Variants in GPC6 observed in about 807,000 individuals in gnomAD.
GPC6 encodes glypican-6.
A neutral mutation model predicts 55.2 loss-of-function variants in GPC6; 14 were observed. The observed-to-expected ratio is 0.25, with a 90% CI of 0.17 to 0.40. The LOEUF (loss-of-function observed/expected upper bound fraction) is 0.40, where lower values mean the gene tolerates loss of function less well. Among genes scored for constraint, GPC6 ranks in the 10% least tolerant of loss-of-function variants. GPC6 has a pLI of 1.00. For synonymous variants in GPC6, 278 were observed against 259.6 expected (o/e 1.07, Z -0.68); for missense variants, 641 against 708.5 (o/e 0.90, Z 1.08).
intron 1 of GPC6, among the ~76,000 whole-genome samples, chr13:93,261,260 C>T (rs1306393670): frequency 2.6e-5 from 4 of 152,076 alleles, no homozygotes; most frequent in African/African-American, 9.7e-5. Flanking sequence ...GCAGACTGGT[C>T]TTTTATGGTA....
At chr13:94,164,889 G>T (rs1410108639) in intron 4 of GPC6, among the ~76,000 whole-genome samples, 1 of 152,008 alleles carries the variant, frequency 6.6e-6, no homozygotes, top group Non-Finnish European at 1.5e-5. Flanking sequence ...TTTTAATATA[G>T]ATAGGATTTA....
rs184224007 is a variant in GPC6, at chr13:94,000,582, G to A, written c.712-27147G>A. Among the ~76,000 whole-genome samples, 54 of 152,248 alleles carry A rather than the reference G, an allele frequency of 3.5e-4. No individual in the cohort carries two copies. The East Asian group carries it at 7.9e-3, about 22-fold the overall frequency. ...AATTTTATTCCAAGTTGGACAGTTG[G>A]AACTGGGGGCTTAGAGATGACAGAA... On this transcript the variant is annotated intron_variant, in intron 3 of 8. Transcript: ENST00000377047.
chr13:94,166,430 G>A (rs1019898044), intron 4 of GPC6, among the ~76,000 whole-genome samples: 2 of 152,128 alleles, frequency 1.3e-5, no homozygotes, highest in African/African-American at 4.8e-5. Flanking sequence ...ACCCATTCAT[G>A]TTGCAACCTG....
At chr13:94,237,615 G>A (rs1247813813) in intron 4 of GPC6, among the ~76,000 whole-genome samples, 2 of 152,136 alleles carry the variant, frequency 1.3e-5, no homozygotes, top group Non-Finnish European at 2.9e-5. Flanking sequence ...CCTACACAGA[G>A]GAACCATATG....
At position 93,613,530 on chromosome 13, in the gene GPC6, A is replaced by ACAC. The variant is rs1566450041; in HGVS notation, c.319+68109_319+68110insCAC. Among the ~76,000 whole-genome samples, 415 of 139,984 alleles carry ACAC rather than the reference A, an allele frequency of 3.0e-3. 2 individuals carry two copies. Among genetic ancestry groups the ACAC allele is most frequent in the African/African-American group, 0.011 (388 of 34,000 alleles). 91.8% of individuals were successfully genotyped at this position (139,984 alleles called of 152,430 possible). On this transcript the variant is annotated intron_variant, in intron 2 of 8. Coordinates refer to ENST00000377047, the MANE Select transcript of GPC6 (RefSeq NM_005708.5). ...AGCAAACACACACACACACACACAA[A>ACAC]ACACACACACACACACACACACACA...
At position 94,404,138 on chromosome 13, in the gene GPC6, C is replaced by T. The variant is rs1160213154; in HGVS notation, c.*921C>T. ...TGACATTAACTAGACGTTTCTGCCC[C>T]TGTGCTCATTACCCTCCCAAAACAA... On this transcript the variant is annotated 3_prime_UTR_variant, in exon 9 of 9. Transcript: ENST00000377047. 3.9e-5 allele frequency: 6 copies of T among 152,108 alleles called. No individual in the cohort carries two copies. The highest frequency in any genetic ancestry group is 1.5e-5 in the Non-Finnish European group (1 of 68,008). The allele number at this position is 152,108 out of a possible 1,614,324, so 9.4% of individuals were successfully genotyped here. A position where few individuals can be genotyped will look rare whatever the true frequency, so the allele number is the denominator to read the frequency against.
intron 2 of GPC6, among the ~76,000 whole-genome samples, chr13:93,635,508 A>G (rs1332642041): frequency 6.6e-6 from 1 of 152,186 alleles, no homozygotes; most frequent in African/African-American, 2.4e-5. Context: ...CATTATAATA[A>G]TTGCAAGCAA....
chr13:93,333,859 T>C (rs1427140479), intron 1 of GPC6, among the ~76,000 whole-genome samples: 1 of 152,220 alleles, frequency 6.6e-6, no homozygotes, highest in Non-Finnish European at 1.5e-5. Context: ...CTGATTTTTC[T>C]ATGTTGATTT....
At chr13:93,737,633 G>A (rs1442096777) in intron 2 of GPC6, among the ~76,000 whole-genome samples, 1 of 152,038 alleles carries the variant, frequency 6.6e-6, no homozygotes, top group Non-Finnish European at 1.5e-5. Flanking sequence ...GAAGATGAGT[G>A]AATAACAATT....
At chr13:94,312,890 A>C (rs1374357740) in intron 6 of GPC6, among the ~76,000 whole-genome samples, 1 of 152,220 alleles carries the variant, frequency 6.6e-6, no homozygotes, top group Non-Finnish European at 1.5e-5. Context: ...CAGCTGAATA[A>C]ATTATGTCCC....
At chr13:93,664,775 G>A (rs910797738) in intron 2 of GPC6, among the ~76,000 whole-genome samples, 4 of 151,988 alleles carry the variant, frequency 2.6e-5, no homozygotes, top group Admixed American at 1.3e-4. Context: ...GCGCCACCAC[G>A]CCTGGCACAC....
chr13:94,123,720 G>T (rs1423135111), intron 4 of GPC6, among the ~76,000 whole-genome samples: 2 of 151,978 alleles, frequency 1.3e-5, no homozygotes, highest in African/African-American at 4.8e-5. Flanking sequence ...GGGAGTGGGG[G>T]AGGGGGTAAG....
chr13:93,497,076 G>C (rs895192269), intron 1 of GPC6, among the ~76,000 whole-genome samples: 1 of 152,160 alleles, frequency 6.6e-6, no homozygotes, highest in East Asian at 1.9e-4. Context: ...ATGCCCTCGT[G>C]CTGCTGCAGC....
intron 2 of GPC6, among the ~76,000 whole-genome samples, chr13:93,588,134 A>G (rs1877289450): frequency 6.6e-6 from 1 of 152,210 alleles, no homozygotes; most frequent in Non-Finnish European, 1.5e-5. Context: ...ACATTATGGT[A>G]TGGAGTCATT....
chr13:93,671,637 T>C (rs1881363138), intron 2 of GPC6, among the ~76,000 whole-genome samples: 2 of 152,048 alleles, frequency 1.3e-5, no homozygotes, highest in Non-Finnish European at 2.9e-5. Context: ...CTCTGGTTTT[T>C]TTAGGGTTAT....
intron 4 of GPC6, among the ~76,000 whole-genome samples, chr13:94,080,471 AAAAT>A (rs1379096327): frequency 6.6e-6 from 1 of 152,256 alleles, no homozygotes; most frequent in Non-Finnish European, 1.5e-5. Context: ...TTAGATAAAC[AAAAT>A]AAATAAATAC....
chr13:94,332,313 A>G (rs892389130), intron 6 of GPC6, among the ~76,000 whole-genome samples: 5 of 152,214 alleles, frequency 3.3e-5, no homozygotes, highest in African/African-American at 9.6e-5. Flanking sequence ...GTAATTAGCC[A>G]TCACCTAATC....
intron 2 of GPC6, among the ~76,000 whole-genome samples, chr13:93,649,837 G>A (rs1880332632): frequency 1.3e-5 from 2 of 152,186 alleles, no homozygotes; most frequent in South Asian, 4.1e-4. Context: ...CTGTCATGTG[G>A]CTAAAACACA....
intron 2 of GPC6, among the ~76,000 whole-genome samples, chr13:93,783,326 G>A (rs1403377444): frequency 1.3e-5 from 2 of 152,008 alleles, no homozygotes; most frequent in Non-Finnish European, 2.9e-5. Flanking sequence ...ATTCCTTTGG[G>A]TATATACCCA....
Sources: allele counts gnomAD v4.1 joint callset (sites outside exome capture counted in the v4.1 genomes callset), GRCh38; gene constraint gnomAD v4.1.1; transcripts MANE v1.5; gene names NCBI Gene and HGNC (gene_info 2026-07-23, HGNC 2026-07-21).